RP1: variants seen among roughly 807,000 people sequenced by gnomAD.
RP1 encodes the protein oxygen-regulated protein 1.
In RP1, 16 loss-of-function variants were observed where a neutral mutation model predicts 14.8. That is an observed-to-expected ratio of 1.08 (90% CI 0.73 to 1.65). RP1 has a LOEUF of 1.65. RP1 is among the 40% of genes most tolerant of loss of function. The probability of loss-of-function intolerance (pLI) is 0.00; values close to 1 mark genes in which losing one functional copy is unlikely to be tolerated. For synonymous variants in RP1, 876 were observed against 883.6 expected, an observed-to-expected ratio of 0.99 and a Z score of 0.15; for missense variants, 2,631 against 2,535.0, an observed-to-expected ratio of 1.04 and a Z score of -0.81.
intron 27 of RP1, among the ~76,000 whole-genome samples, chr8:54,864,387 G>A (rs1812416034): frequency 6.6e-6 from 1 of 152,000 alleles, no homozygotes; most frequent in Non-Finnish European, 1.5e-5. Flanking sequence ...GAAAAAGAAG[G>A]CAAACACCAA....
chr8:54,812,016 ATCT>A (rs1481212829), intron 24 of RP1, among the ~76,000 whole-genome samples: 2 of 152,264 alleles, frequency 1.3e-5, no homozygotes, highest in Non-Finnish European at 2.9e-5. Context: ...AACAGTTTGT[ATCT>A]TCTTCTCTAA....
At chr8:54,756,129 A>G (rs1007545562) in intron 21 of RP1, among the ~76,000 whole-genome samples, 5 of 152,252 alleles carry the variant, frequency 3.3e-5, no homozygotes, top group Non-Finnish European at 7.3e-5. Flanking sequence ...TAGAAATGCC[A>G]TTATACTATA....
chr8:54,867,199 C>T lies in RP1; in HGVS notation c.4151+1283C>T, dbSNP rs115917058. ...ACATTGGTTGACTGACTGGATTTTA[C>T]CTTACTATAGTTTCGATTCTAGGAA... On this transcript the variant is annotated intron_variant, in intron 28 of 28. Coordinates refer to the RP1 transcript ENST00000637698. Among the ~76,000 whole-genome samples the T allele has an allele frequency of 4.8e-3, 725 of 152,148 alleles. 2 individuals are homozygous for T. The highest frequency in any genetic ancestry group is 0.016 in the African/African-American group (656 of 41,480).
chr8:54,770,135 A>G (rs1184404777), downstream of RP1: 2 of 404,072 alleles, frequency 4.9e-6, no homozygotes, highest in African/African-American at 4.1e-5. Flanking sequence ...ATGCAAATAA[A>G]TCATCAACCT....
At chr8:54,614,976 G>A (rs1055017048), upstream of RP1, among the ~76,000 whole-genome samples, 1 of 152,194 alleles carries the variant, frequency 6.6e-6, no homozygotes, top group Non-Finnish European at 1.5e-5. Context: ...GATCATATCT[G>A]ATCCCAAACT....
At chr8:54,793,331 AGG>A (rs1810512577) in intron 24 of RP1, among the ~76,000 whole-genome samples, 1 of 151,952 alleles carries the variant, frequency 6.6e-6, no homozygotes, top group South Asian at 2.1e-4. Flanking sequence ...TCATTTTATG[AGG>A]CCAGCATTAC....
Position 54,783,095 on chromosome 8 carries a change from C to G in RP1, c.3452-452C>G, listed in dbSNP as rs566137055. On this transcript the variant is annotated intron_variant, in intron 23 of 28. Coordinates refer to the RP1 transcript ENST00000637698. Reference sequence around the variant, plus strand: ...GCCTTGTTTTTATATCTTCTACATCCTTAGCACTATCTGCTAGGATCACCA... The same window carrying G: ...GCCTTGTTTTTATATCTTCTACATCGTTAGCACTATCTGCTAGGATCACCA... 2.0e-5 allele frequency among the ~76,000 whole-genome samples: 3 copies of G among 152,220 alleles called. No homozygotes were observed. The East Asian group carries it at 5.8e-4, about 29-fold the overall frequency.
intron 21 of RP1, among the ~76,000 whole-genome samples, chr8:54,757,403 G>A (rs1332347797): frequency 6.6e-6 from 1 of 152,206 alleles, no homozygotes; most frequent in Non-Finnish European, 1.5e-5. Flanking sequence ...TTGTAGTTTG[G>A]GCTTGTCCCA....
In RP1 at chr8:54,755,618, G is replaced by C; in HGVS notation, c.2942-1G>C. 6.5e-7 allele frequency: 1 copy of C among 1,535,816 alleles called. No homozygotes were observed. The highest frequency in any genetic ancestry group is 8.7e-7 in the Non-Finnish European group (1 of 1,146,722). ...ATTTTCTCTCCCTGTTGCTTTGCCA[G>C]TAGTGAGATACCAGGTTGACGTCTA... On this transcript the variant is annotated splice_acceptor_variant, in intron 20 of 22. Transcript: ENST00000636932. LOFTEE classifies it high-confidence loss of function.
chr8:54,720,184 CCAT>C, exon 16 of RP1: 1 of 1,535,718 alleles, frequency 6.5e-7, no homozygotes, highest in Non-Finnish European at 8.7e-7. Flanking sequence ...AAGAATGCAT[CCAT>C]AAGCCTGGAA....
chr8:54,864,974 A>G (rs1309213298), intron 27 of RP1, among the ~76,000 whole-genome samples: 2 of 152,170 alleles, frequency 1.3e-5, no homozygotes, highest in Admixed American at 6.6e-5. Flanking sequence ...CTTCCTACTT[A>G]CCAATATGAG....
At chr8:54,722,270 T>TG (rs1364724767) in intron 16 of RP1, among the ~76,000 whole-genome samples, 16 of 130,496 alleles carry the variant, frequency 1.2e-4, no homozygotes, top group Non-Finnish European at 1.5e-4. Flanking sequence ...AATGGTTTTT[T>TG]TTTTTGTGTG....
chr8:54,833,057 C>T (rs1811570866), intron 24 of RP1, among the ~76,000 whole-genome samples: 1 of 151,972 alleles, frequency 6.6e-6, no homozygotes, highest in Admixed American at 6.6e-5. Context: ...GCAGTCATAC[C>T]TGCATGTGAA....
chr8:54,706,526 T>C (rs1585623552), exon 15 of RP1: 1 of 1,535,818 alleles, frequency 6.5e-7, no homozygotes, highest in Non-Finnish European at 8.7e-7. Flanking sequence ...GAAGCTGCAC[T>C]GGAGTGGGAA....
intron 1 of RP1, among the ~76,000 whole-genome samples, chr8:54,605,945 TGAG>T (rs1805430004): frequency 1.4e-5 from 2 of 138,334 alleles, no homozygotes; most frequent in Admixed American, 1.4e-4. Flanking sequence ...CTGCACATGA[TGAG>T]ATGGGTTTCC....
At chr8:54,856,137 G>T (rs557548859) in intron 26 of RP1, among the ~76,000 whole-genome samples, 1 of 152,178 alleles carries the variant, frequency 6.6e-6, no homozygotes, top group Non-Finnish European at 1.5e-5. Flanking sequence ...TGAACAAGAC[G>T]CTGCTGAGCA....
At chr8:54,731,851 T>C (rs142672608) in intron 17 of RP1, among the ~76,000 whole-genome samples, 199 of 152,308 alleles carry the variant, frequency 1.3e-3, no homozygotes, top group African/African-American at 4.6e-3. Flanking sequence ...TTTCTTTGTA[T>C]GTTTGTTCAC....
chr8:54,607,705 C>A (rs969521624), intron 1 of RP1, among the ~76,000 whole-genome samples: 1 of 152,162 alleles, frequency 6.6e-6, no homozygotes, highest in Non-Finnish European at 1.5e-5. Flanking sequence ...GTTTGAGGTT[C>A]CTGGCCACTT....
chr8:54,755,432 A>G (rs1327054842), intron 20 of RP1, among the ~76,000 whole-genome samples: 3 of 152,214 alleles, frequency 2.0e-5, no homozygotes, highest in Admixed American at 6.5e-5. Flanking sequence ...AAAAATGCCC[A>G]TGTATGATTA....
Sources: gnomAD v4.1 joint callset for allele counts (sites outside exome capture counted in the v4.1 genomes callset) on GRCh38, gnomAD v4.1.1 for gene constraint, MANE v1.5 for transcripts, NCBI Gene and HGNC (gene_info 2026-07-23, HGNC 2026-07-21) for gene names.